The following TMC7 variants were observed in gnomAD, a reference collection of about 807,000 sequenced individuals.
The protein encoded by TMC7 is transmembrane channel-like protein 7.
Under a neutral mutation model 82.9 loss-of-function variants are expected in TMC7, and 54 were observed. That is an observed-to-expected ratio of 0.65 (90% CI 0.52 to 0.82). TMC7 has a LOEUF of 0.82. TMC7 is among the 40% of genes least tolerant of loss of function. The pLI is 0.00. For missense variants in TMC7, 820 were observed against 901.2 expected (o/e 0.91, Z 1.15); for synonymous variants, 350 against 337.9 (o/e 1.04, Z -0.39).
At chr16:19,009,439 C>A (rs375196772) in intron 2 of TMC7, 24 bp downstream of exon 2, 12 of 1,602,694 alleles carry the variant, frequency 7.5e-6, no homozygotes, top group South Asian at 6.7e-5. Flanking sequence ...CCACCTGGAA[C>A]CTGCATTGTG....
At chr16:19,023,048 A>C (rs1008460599) in intron 4 of TMC7, 65 bp from the exon 5 acceptor site, 22 of 1,009,330 alleles carry the variant, frequency 2.2e-5, no homozygotes, top group Non-Finnish European at 2.8e-5. Flanking sequence ...AACAAACAAA[A>C]AAACCAGGCA....
At chr16:19,046,405 A>G (rs560205286) in intron 11 of TMC7, among the ~76,000 whole-genome samples, 1 of 152,346 alleles carries the variant, frequency 6.6e-6, no homozygotes, top group Admixed American at 6.5e-5. Context: ...GAACTCAACA[A>G]AACATCAGCT....
intron 11 of TMC7, among the ~76,000 whole-genome samples, chr16:19,046,575 C>T (rs969082769): frequency 6.6e-6 from 1 of 152,160 alleles, no homozygotes; most frequent in Admixed American, 6.6e-5. Flanking sequence ...GTGGCTCACA[C>T]CCATAATCCT....
At chr16:19,042,185 TTTTA>T (rs1961043331) in intron 9 of TMC7, among the ~76,000 whole-genome samples, 1 of 151,994 alleles carries the variant, frequency 6.6e-6, no homozygotes, top group Non-Finnish European at 1.5e-5. Context: ...TTTCTTTCCA[TTTTA>T]TTTATTTATT....
At chr16:19,009,450 T>G (rs772249553) in intron 2 of TMC7, 35 bp downstream of exon 2, 2 of 1,594,722 alleles carry the variant, frequency 1.3e-6, no homozygotes, top group Non-Finnish European at 1.7e-6. Flanking sequence ...CTGCATTGTG[T>G]ATGTTATGGC....
intron 12 of TMC7, chr16:19,049,751 A>G: frequency 1.4e-6 from 1 of 702,032 alleles, no homozygotes; most frequent in Non-Finnish European, 1.8e-6. Context: ...GAGGCTGGGC[A>G]CCAAGTATCT....
At chr16:19,043,119 AC>A (rs1419758674) in intron 9 of TMC7, among the ~76,000 whole-genome samples, 1 of 151,784 alleles carries the variant, frequency 6.6e-6, no homozygotes, top group Admixed American at 6.6e-5. Context: ...ACAAAAACTC[AC>A]CGTCTCCGCC....
At chr16:18,989,531 C>T (rs1001830792) in intron 1 of TMC7, among the ~76,000 whole-genome samples, 2 of 143,422 alleles carry the variant, frequency 1.4e-5, no homozygotes, top group African/African-American at 5.0e-5. Flanking sequence ...CTGGGGCCAC[C>T]TAGACCTTCT....
chr16:19,063,004 G>T lies in TMC7; in HGVS notation c.*1161G>T, dbSNP rs1165300566. On this transcript the variant is annotated 3_prime_UTR_variant, in exon 16 of 16. Coordinates refer to ENST00000304381, the MANE Select transcript of TMC7 (RefSeq NM_024847.4). ...AAAATGCCTGAATCCTTGCTCAGAG[G>T]AGCAAAGGTATCTTCTCGTCCCTTT... 6.6e-6 allele frequency: 1 copy of T among 152,158 alleles called. No individual in the cohort carries two copies. 9.4% of individuals were successfully genotyped at this position (152,158 alleles called of 1,614,324 possible).
intron 1 of TMC7, among the ~76,000 whole-genome samples, chr16:18,993,952 G>A (rs773024504): frequency 3.9e-5 from 6 of 152,120 alleles, no homozygotes; most frequent in Admixed American, 1.3e-4. Context: ...ATTAGGCCTG[G>A]TGGAGCTGCC....
intron 5 of TMC7, among the ~76,000 whole-genome samples, chr16:19,029,709 C>A (rs1175893216): frequency 7.0e-6 from 1 of 143,852 alleles, no homozygotes; most frequent in Non-Finnish European, 1.5e-5. Context: ...GAGATGGAGT[C>A]TCATTCTGTT....
At chr16:18,993,217 G>C (rs2038982415) in intron 1 of TMC7, among the ~76,000 whole-genome samples, 1 of 152,142 alleles carries the variant, frequency 6.6e-6, no homozygotes. Context: ...CTTCATCAGG[G>C]TGAAAGTGTT....
At chr16:19,044,038 T>G (rs1961144861) in intron 9 of TMC7, among the ~76,000 whole-genome samples, 1 of 151,944 alleles carries the variant, frequency 6.6e-6, no homozygotes, top group East Asian at 1.9e-4. Context: ...CCCAGCTAAT[T>G]TTTGTATTTT....
rs781327106 is a variant in TMC7 at position 19,059,450 on chromosome 16, G to T, written c.2062G>T (p.Ala688Ser). The part of the protein sequence containing the change: ...IMFYFIALAG[A>S]HKRVVIQLRE... ...GTTTTACTTCATTGCCTTAGCTGGAGCACACAAACGGGTGGTCATCCAGCT... is the reference window on the plus strand; with the variant it reads ...GTTTTACTTCATTGCCTTAGCTGGATCACACAAACGGGTGGTCATCCAGCT... Residue 688 changes from alanine (A) to serine (S), a missense_variant, in exon 15 of 16, where the codon GCA (alanine) becomes TCA (serine). Ala to Ser is a moderately conservative substitution (Grantham distance 99). Around this residue, in one of 2 missense-constraint regions of TMC7, gnomAD observed 170 missense variants for 231.3 expected, o/e 0.74. Coordinates refer to ENST00000304381, the MANE Select transcript of TMC7 (RefSeq NM_024847.4). 1.2e-6 allele frequency: 2 copies of T among 1,614,094 alleles called. No homozygotes were observed. Among genetic ancestry groups the T allele is most frequent in the Admixed American group, 3.3e-5 (2 of 60,024 alleles).
rs989767234 is a variant in TMC7 at position 19,051,773 on chromosome 16, G to C, written c.1828G>C (p.Gly610Arg). 5.0e-6 allele frequency: 8 copies of C among 1,614,000 alleles called. No homozygotes were observed. The highest frequency in any genetic ancestry group is 6.8e-6 in the Non-Finnish European group (8 of 1,180,014). ...NFFFLLVLLI[G>R]LCLAIIPLTI... is the part of the protein sequence containing the mutation. ...CTTCTTCCTGTTGGTGTTGTTGATC[G>C]GGCTGTGTTTGGCAATAATACCTCT... Residue 610 changes from glycine to arginine, a missense_variant, in exon 13 of 16, where the codon GGG becomes CGG. Gly to Arg is a moderately radical substitution (Grantham distance 125). Around this residue, in one of 2 missense-constraint regions of TMC7, gnomAD observed 170 missense variants for 231.3 expected, o/e 0.74. Coordinates refer to ENST00000304381, the MANE Select transcript of TMC7 (RefSeq NM_024847.4).
intron 5 of TMC7, among the ~76,000 whole-genome samples, chr16:19,028,951 G>C (rs956434302): frequency 1.3e-5 from 2 of 148,446 alleles, no homozygotes; most frequent in Non-Finnish European, 3.0e-5. Flanking sequence ...ACTGTGCCCG[G>C]CCGAGATTTG....
At chr16:19,016,289 C>T (rs1596746240) in intron 2 of TMC7, among the ~76,000 whole-genome samples, 161 bp from the exon 3 acceptor site, 1 of 150,468 alleles carries the variant, frequency 6.6e-6, no homozygotes, top group East Asian at 2.0e-4. Context: ...GGTGTTTCAC[C>T]ATGTTGGCCA....
chr16:19,040,229 T>A (rs1960949644), intron 8 of TMC7, 60 bp from the exon 9 acceptor site: 1 of 1,495,630 alleles, frequency 6.7e-7, no homozygotes, highest in Non-Finnish European at 9.1e-7. Flanking sequence ...TTTTGTTCTA[T>A]CTATTTGTGG....
intron 1 of TMC7, among the ~76,000 whole-genome samples, chr16:18,989,043 ACT>A (rs1458300417): frequency 7.1e-6 from 1 of 140,686 alleles, no homozygotes; most frequent in Non-Finnish European, 1.5e-5. Context: ...ACAGAGTGAG[ACT>A]CTGTCTCAAA....
Sources: gnomAD v4.1 joint callset for allele counts (sites outside exome capture counted in the v4.1 genomes callset) on GRCh38, gnomAD v4.1.1 for gene constraint, gnomAD v4.1.1 regional missense constraint, MANE v1.5 for transcripts, NCBI Gene and HGNC (gene_info 2026-07-23, HGNC 2026-07-21) for gene names.